FGD6: variants seen among roughly 807,000 people sequenced by gnomAD.
FGD6 encodes the protein FYVE, RhoGEF and PH domain-containing protein 6.
A neutral mutation model predicts 149.4 loss-of-function variants in FGD6; 90 were observed. That is an observed-to-expected ratio of 0.60 (90% confidence interval 0.51 to 0.72). The LOEUF is 0.72. Among genes scored for constraint, FGD6 ranks in the 30% least tolerant of loss-of-function variants. The pLI is 0.00. For missense variants in FGD6, 1,437 were observed against 1,684.8 expected (o/e 0.85, Z 2.57); for synonymous variants, 527 against 584.0 (o/e 0.90, Z 1.41).
intron 2 of FGD6, among the ~76,000 whole-genome samples, chr12:95,206,591 G>A (rs2056693846): frequency 1.3e-5 from 2 of 152,006 alleles, no homozygotes; most frequent in South Asian, 4.1e-4. Flanking sequence ...TTGGGAGGCT[G>A]AAGGTGGGTG....
At chr12:95,172,514 A>C in intron 3 of FGD6, 86 bp downstream of exon 3, 1 of 1,212,744 alleles carries the variant, frequency 8.2e-7, no homozygotes, top group Non-Finnish European at 1.1e-6. Context: ...AAGAAAACTC[A>C]CAAGGGTTTC....
chr12:95,191,128 G>A (rs1881577240), intron 2 of FGD6, among the ~76,000 whole-genome samples: 1 of 152,032 alleles, frequency 6.6e-6, no homozygotes, highest in South Asian at 2.1e-4. Flanking sequence ...TTTAGATATG[G>A]TAAGACCTGT....
intron 2 of FGD6, among the ~76,000 whole-genome samples, chr12:95,184,950 T>C (rs1881388196): frequency 6.6e-6 from 1 of 152,124 alleles, no homozygotes; most frequent in Non-Finnish European, 1.5e-5. Flanking sequence ...CTTGGCTTAC[T>C]GCAACCTCCG....
chr12:95,095,622 A>G (rs1013713618), intron 14 of FGD6, among the ~76,000 whole-genome samples: 1 of 152,090 alleles, frequency 6.6e-6, no homozygotes, highest in African/African-American at 2.4e-5. Context: ...AATAATTAAA[A>G]CTCCATCATA....
At chr12:95,153,912 C>CGTGTGTGTGTGTGTGTGT (rs754945627) in intron 3 of FGD6, among the ~76,000 whole-genome samples, 2 of 141,318 alleles carry the variant, frequency 1.4e-5, no homozygotes, top group African/African-American at 5.4e-5. Flanking sequence ...AAATGAAATT[C>CGTGTGTGTGTGTGTGTGT]GTGTGTGTGT....
rs762253539 is a variant in FGD6 at position 95,169,955 on chromosome 12, T to C, written c.2586+2645A>G. 2.2e-4 allele frequency among the ~76,000 whole-genome samples: 33 copies of C among 151,934 alleles called. 1 individual carries two copies. Among genetic ancestry groups the C allele is most frequent in the South Asian group, 8.3e-4 (4 of 4,796 alleles). On this transcript the variant is annotated intron_variant, in intron 3 of 20. Transcript: ENST00000343958. ...GGCCAACATGGTGAAACTCCTTCTC[T>C]ATTAAAAATACAAAAATTAGCCAGG...
intron 6 of FGD6, 79 bp from the exon 7 acceptor site, chr12:95,137,757 C>A: frequency 1.0e-6 from 1 of 980,690 alleles, no homozygotes. Context: ...GAGTCCACAT[C>A]TAAGCCGCCA....
At chr12:95,102,937 A>G (rs7298841) in intron 14 of FGD6, among the ~76,000 whole-genome samples, 95,837 of 151,992 alleles carry the variant, frequency 0.63, 30,477 homozygotes, top group East Asian at 0.68. Flanking sequence ...GTTATCATAG[A>G]ACTTAAAAGA....
intron 5 of FGD6, among the ~76,000 whole-genome samples, chr12:95,145,198 A>C (rs1171986541): frequency 6.6e-6 from 1 of 151,898 alleles, no homozygotes; most frequent in Non-Finnish European, 1.5e-5. Flanking sequence ...CATGTTGGCC[A>C]GACTGGTTTT....
intron 18 of FGD6, among the ~76,000 whole-genome samples, chr12:95,087,646 T>C (rs1877923237): frequency 6.6e-6 from 1 of 152,218 alleles, no homozygotes; most frequent in African/African-American, 2.4e-5. Context: ...ACTCTGGAGA[T>C]AATAAATGTA....
At chr12:95,194,317 C>T (rs919901597) in intron 2 of FGD6, among the ~76,000 whole-genome samples, 1 of 152,174 alleles carries the variant, frequency 6.6e-6, no homozygotes, top group Admixed American at 6.5e-5. Context: ...CTCACCACAA[C>T]CTCCACCTCC....
At chr12:95,160,028 C>A (rs1880589836) in intron 3 of FGD6, among the ~76,000 whole-genome samples, 1 of 150,492 alleles carries the variant, frequency 6.6e-6, no homozygotes, top group Non-Finnish European at 1.5e-5. Flanking sequence ...AAAACAAAAC[C>A]AAACTCTGAT....
intron 8 of FGD6, among the ~76,000 whole-genome samples, chr12:95,127,310 C>T (rs1455953835): frequency 6.6e-6 from 1 of 152,082 alleles, no homozygotes; most frequent in African/African-American, 2.4e-5. Flanking sequence ...GTTAGGGAGG[C>T]CGAGGCAAGT....
chr12:95,207,166 G>C (rs199929158), intron 2 of FGD6, among the ~76,000 whole-genome samples: 2 of 152,008 alleles, frequency 1.3e-5, no homozygotes, highest in East Asian at 3.9e-4. Flanking sequence ...GATAGTGAGT[G>C]GGTTCTCACA....
intron 3 of FGD6, among the ~76,000 whole-genome samples, chr12:95,172,037 G>GGT (rs530942386): frequency 5.6e-4 from 29 of 51,910 alleles, no homozygotes; most frequent in Non-Finnish European, 9.5e-4. Context: ...CAATTCTAAG[G>GGT]GGGGGGGGGT....
At chr12:95,195,246 G>A (rs1241634239) in intron 2 of FGD6, among the ~76,000 whole-genome samples, 4 of 152,120 alleles carry the variant, frequency 2.6e-5, no homozygotes, top group South Asian at 2.1e-4. Context: ...CCTCCAGCAG[G>A]TAAAATGTCA....
At chr12:95,184,784 T>A (rs1054232231) in intron 2 of FGD6, among the ~76,000 whole-genome samples, 1 of 152,154 alleles carries the variant, frequency 6.6e-6, no homozygotes, top group African/African-American at 2.4e-5. Context: ...GGTTTCGCCA[T>A]GTTGGCCAAG....
At chr12:95,215,544 GC>G (rs776712830) in intron 1 of FGD6, among the ~76,000 whole-genome samples, 1 of 152,146 alleles carries the variant, frequency 6.6e-6, no homozygotes, top group Non-Finnish European at 1.5e-5. Flanking sequence ...AGATGGGTGA[GC>G]AAAAAAGTAG....
At chr12:95,149,852 A>G (rs1880244488) in intron 5 of FGD6, among the ~76,000 whole-genome samples, 2 of 146,820 alleles carry the variant, frequency 1.4e-5, no homozygotes, top group African/African-American at 5.0e-5. Flanking sequence ...TATACTATAT[A>G]AAATATGTAT....
Sources: allele counts gnomAD v4.1 joint callset (sites outside exome capture counted in the v4.1 genomes callset), GRCh38; gene constraint gnomAD v4.1.1; transcripts MANE v1.5; gene names NCBI Gene and HGNC (gene_info 2026-07-23, HGNC 2026-07-21).